NLGN1: variants seen among roughly 807,000 people sequenced by gnomAD.
NLGN1 encodes the protein neuroligin-1.
In NLGN1, 12 loss-of-function variants were observed where a neutral mutation model predicts 65.5. The observed-to-expected ratio is 0.18, with a 90% CI of 0.12 to 0.30. NLGN1 has a LOEUF of 0.30. Among genes scored for constraint, NLGN1 ranks in the 10% least tolerant of loss-of-function variants. The pLI, the probability that NLGN1 is intolerant of heterozygous loss-of-function variation, is 1.00. For synonymous variants in NLGN1, 350 were observed against 359.5 expected, an observed-to-expected ratio of 0.97 and a Z score of 0.30; for missense variants, 750 against 1,007.1, an observed-to-expected ratio of 0.74 and a Z score of 3.46.
chr3:174,227,453 T>C (rs1244403870), intron 4 of NLGN1, among the ~76,000 whole-genome samples: 2 of 151,514 alleles, frequency 1.3e-5, no homozygotes, highest in Non-Finnish European at 2.9e-5. Flanking sequence ...TCAAACACAA[T>C]TCTCTTCAGT....
rs397877454 is a variant in NLGN1 at position 173,879,638 on chromosome 3, G to GTTT, written c.646+71815_646+71817dup. ...GAATATTGATGACTTTTTTCTGTGT[G>GTTT]TTTTTTTTTTTATCTAATTTGGATT... On this transcript the variant is annotated intron_variant, in intron 4 of 6. Coordinates refer to ENST00000457714, the Ensembl canonical transcript of NLGN1. 1.5e-3 allele frequency among the ~76,000 whole-genome samples: 209 copies of GTTT among 142,034 alleles called. 1 individual carries two copies. In the East Asian group the frequency reaches 0.028, roughly 19 times the overall value. The allele number at this position is 142,034 out of a possible 152,430, so 93.2% of individuals were successfully genotyped here. A position where few individuals can be genotyped will look rare whatever the true frequency, so the allele number is the denominator to read the frequency against.
intron 2 of NLGN1, among the ~76,000 whole-genome samples, chr3:173,591,029 A>G (rs1357121325): frequency 6.6e-6 from 1 of 152,028 alleles, no homozygotes; most frequent in Non-Finnish European, 1.5e-5. Flanking sequence ...AACGTGAACA[A>G]TAAGACAATA....
intron 4 of NLGN1, among the ~76,000 whole-genome samples, chr3:173,975,105 G>A (rs1421286953): frequency 1.3e-5 from 2 of 151,986 alleles, no homozygotes; most frequent in Admixed American, 1.3e-4. Context: ...TCGTGGAAAT[G>A]GATTGTAACC....
chr3:174,279,489 G>A lies in NLGN1; in HGVS notation c.1488G>A (p.Gln496=). 1 of 1,613,158 alleles carries A rather than the reference G, an allele frequency of 6.2e-7. No individual in the cohort carries two copies. The highest frequency in any genetic ancestry group is 8.5e-7 in the Non-Finnish European group (1 of 1,179,526). ...TTTACCATCATTGCCAAACAGATCA[G>A]GTTCCAGCTTGGGCTGATGCAGCCC... Residue 496 remains glutamine, a synonymous_variant, in exon 6 of 7, where the codon CAG becomes CAA. Transcript: ENST00000457714. This position sits in a 1 kb window ranked among gnomAD's most constrained non-coding sequence, Gnocchi z 4.7.
intron 4 of NLGN1, among the ~76,000 whole-genome samples, chr3:173,968,760 G>A (rs367749245): frequency 2.2e-4 from 28 of 128,220 alleles, no homozygotes; most frequent in African/African-American, 6.7e-4. Context: ...GTGCAATGGC[G>A]CAATCTCAGC....
At chr3:173,820,723 A>G (rs1425304347) in intron 4 of NLGN1, among the ~76,000 whole-genome samples, 1 of 152,190 alleles carries the variant, frequency 6.6e-6, no homozygotes, top group Admixed American at 6.5e-5. Flanking sequence ...TAAGATATTT[A>G]CCTATTTTCG....
At chr3:173,903,678 G>A (rs190382693) in intron 4 of NLGN1, among the ~76,000 whole-genome samples, 68 of 152,202 alleles carry the variant, frequency 4.5e-4, no homozygotes, top group African/African-American at 1.4e-3. Flanking sequence ...ATAGAAGAGA[G>A]GGTAGGAAGG....
chr3:174,115,761 C>T (rs1420012630), intron 4 of NLGN1, among the ~76,000 whole-genome samples: 2 of 152,140 alleles, frequency 1.3e-5, no homozygotes, highest in African/African-American at 4.8e-5. Context: ...AAAGTTTGGA[C>T]TATAATTTAT....
intron 4 of NLGN1, among the ~76,000 whole-genome samples, chr3:173,842,169 A>G (rs1724903215): frequency 6.6e-6 from 1 of 152,184 alleles, no homozygotes; most frequent in Non-Finnish European, 1.5e-5. Flanking sequence ...AGATTTCATG[A>G]GACTCATTCA....
intron 4 of NLGN1, among the ~76,000 whole-genome samples, chr3:173,878,861 T>G (rs1386368861): frequency 6.6e-6 from 1 of 152,118 alleles, no homozygotes; most frequent in Non-Finnish European, 1.5e-5. Context: ...TCAAGAGTTA[T>G]GTGGATATTT....
At chr3:173,640,461 A>C (rs972279429) in intron 3 of NLGN1, among the ~76,000 whole-genome samples, 2 of 152,140 alleles carry the variant, frequency 1.3e-5, no homozygotes, top group African/African-American at 4.8e-5. Context: ...GAATCATTTT[A>C]AACTAACAGA....
intron 2 of NLGN1, among the ~76,000 whole-genome samples, chr3:173,505,907 T>C (rs1368549170): frequency 2.6e-5 from 4 of 152,096 alleles, no homozygotes; most frequent in Non-Finnish European, 5.9e-5. Flanking sequence ...AAAATAATAA[T>C]TTGCCTGTTA....
At chr3:174,257,049 T>G (rs1267637214) in intron 4 of NLGN1, among the ~76,000 whole-genome samples, 2 of 152,066 alleles carry the variant, frequency 1.3e-5, no homozygotes. Flanking sequence ...CTAAGGAACT[T>G]AAACCAATTT....
At chr3:174,050,398 A>T (rs763369402) in intron 4 of NLGN1, among the ~76,000 whole-genome samples, 3 of 148,328 alleles carry the variant, frequency 2.0e-5, no homozygotes, top group African/African-American at 2.5e-5. Flanking sequence ...ACTTTGAAAC[A>T]TTTTTTTTTT....
At chr3:173,814,470 A>G (rs1309203796) in intron 4 of NLGN1, among the ~76,000 whole-genome samples, 1 of 152,138 alleles carries the variant, frequency 6.6e-6, no homozygotes, top group Non-Finnish European at 1.5e-5. Context: ...AGGTAATGAT[A>G]TTTTGCAAAG....
intron 4 of NLGN1, among the ~76,000 whole-genome samples, chr3:174,087,213 C>A (rs1369056050): frequency 6.6e-6 from 1 of 152,094 alleles, no homozygotes; most frequent in South Asian, 2.1e-4. Context: ...ATACAACAAA[C>A]CCCGTGACAT....
upstream of NLGN1, chr3:173,396,763 C>T (rs1468144448): frequency 6.6e-6 from 1 of 152,302 alleles, no homozygotes; most frequent in Non-Finnish European, 1.5e-5. Flanking sequence ...CCGAGAACTT[C>T]CTATTCCCTG....
chr3:173,775,895 A>T lies in NLGN1; in HGVS notation c.494-31785A>T, dbSNP rs866124049. Among the ~76,000 whole-genome samples, 4 of 152,228 alleles carry T rather than the reference A, an allele frequency of 2.6e-5. No homozygotes were observed. In the South Asian group the frequency reaches 6.2e-4, roughly 24 times the overall value. ...CAATTGTGTGATACAACTACACAGC[A>T]CTGAGGCTAAAAAGGGACAATCATT... On this transcript the variant is annotated intron_variant, in intron 3 of 6. Coordinates refer to ENST00000457714, the Ensembl canonical transcript of NLGN1.
chr3:173,673,362 T>C (rs928667580), intron 3 of NLGN1, among the ~76,000 whole-genome samples: 1 of 152,240 alleles, frequency 6.6e-6, no homozygotes, highest in African/African-American at 2.4e-5. Context: ...AATGCCTTTC[T>C]ATTTGCCATG....
Sources: allele counts gnomAD v4.1 joint callset (sites outside exome capture counted in the v4.1 genomes callset), GRCh38; gene constraint gnomAD v4.1.1; non-coding constraint Gnocchi (gnomAD v3.1); transcripts MANE v1.5; gene names NCBI Gene and HGNC (gene_info 2026-07-23, HGNC 2026-07-21).